CACNB4: variants seen among roughly 807,000 people sequenced by gnomAD.
The protein encoded by CACNB4 is calcium voltage-gated channel auxiliary subunit beta 4, also known as voltage-dependent L-type calcium channel subunit beta-4.
CACNB4 carries 32 observed loss-of-function variants against 71.2 expected under a neutral mutation model. The observed-to-expected ratio is 0.45, with a 90% CI of 0.34 to 0.60. The LOEUF is 0.60. Among genes scored for constraint, CACNB4 ranks in the 20% least tolerant of loss-of-function variants. CACNB4 has a pLI of 0.01. For synonymous variants in CACNB4, 231 were observed against 236.9 expected (o/e 0.97, Z 0.23); for missense variants, 464 against 647.9 (o/e 0.72, Z 3.08).
chr2:151,977,208 G>A (rs967339964), intron 2 of CACNB4, among the ~76,000 whole-genome samples: 1 of 152,066 alleles, frequency 6.6e-6, no homozygotes. Context: ...TGTTAAATGT[G>A]TTTCTGACTC....
chr2:151,847,700 T>TA lies in CACNB4; in HGVS notation c.1117-5613dup, dbSNP rs570998095. ...GTCAGGAGTTTGAGACCATCTCTTT[T>TA]AAAAAATACAAAAATCTCTTTTAAA... On this transcript the variant is annotated intron_variant, in intron 12 of 13. Transcript: ENST00000539935. Among the ~76,000 whole-genome samples, 110 of 152,144 alleles carry TA rather than the reference T, an allele frequency of 7.2e-4. 1 individual carries two copies. The highest frequency in any genetic ancestry group is 2.4e-3 in the African/African-American group (101 of 41,506).
chr2:152,089,195 T>C (rs1365758943), intron 2 of CACNB4, among the ~76,000 whole-genome samples: 1 of 152,236 alleles, frequency 6.6e-6, no homozygotes, highest in Non-Finnish European at 1.5e-5. Flanking sequence ...ATTGTTTTCC[T>C]GGTTCATGAA....
chr2:151,895,318 G>A (rs114046388), intron 2 of CACNB4, among the ~76,000 whole-genome samples: 97 of 152,170 alleles, frequency 6.4e-4, no homozygotes, highest in African/African-American at 2.2e-3. Flanking sequence ...AGAAGAGCAT[G>A]TAGCCAGGCA....
intron 2 of CACNB4, chr2:151,967,076 CTCAT>C (rs925225159): frequency 7.9e-6 from 1 of 126,640 alleles, no homozygotes; most frequent in African/African-American, 3.1e-5. Context: ...GAGACAGGGT[CTCAT>C]TCTGTCACCA....
chr2:151,890,719 C>T (rs561820858), intron 2 of CACNB4, among the ~76,000 whole-genome samples: 1 of 152,270 alleles, frequency 6.6e-6, no homozygotes, highest in Non-Finnish European at 1.5e-5. Flanking sequence ...CAATGATAGA[C>T]GTATTTTTTA....
intron 2 of CACNB4, among the ~76,000 whole-genome samples, chr2:152,080,334 G>A (rs1687292644): frequency 6.6e-6 from 1 of 151,978 alleles, no homozygotes; most frequent in African/African-American, 2.4e-5. Context: ...TGTTAGTCAG[G>A]ATGGTCTTGA....
At chr2:151,870,453 C>CCTTGA (rs761140033) in intron 8 of CACNB4, 78 bp downstream of exon 8, 1 of 1,220,044 alleles carries the variant, frequency 8.2e-7, no homozygotes, top group South Asian at 1.3e-5. Flanking sequence ...GGAAACAGAC[C>CCTTGA]CTTGAGGAGC....
intron 5 of CACNB4, among the ~76,000 whole-genome samples, chr2:151,875,696 ACGGGCGGCTGGCCGGG>A (rs2099845915): frequency 1.8e-3 from 3 of 1,704 alleles, no homozygotes; most frequent in African/African-American, 6.1e-3. Context: ...TCCCTCCCGG[ACGGGCGGCTGGCCGGG>A]CAGAGGGGCT....
intron 2 of CACNB4, among the ~76,000 whole-genome samples, chr2:152,058,970 A>G (rs2105324966): frequency 6.6e-6 from 1 of 152,382 alleles, no homozygotes. Context: ...CCATTGCTTC[A>G]GAGGGTGCAA....
intron 2 of CACNB4, among the ~76,000 whole-genome samples, chr2:151,986,972 C>T (rs1019340672): frequency 6.6e-6 from 1 of 152,174 alleles, no homozygotes; most frequent in African/African-American, 2.4e-5. Flanking sequence ...CATACAGAGA[C>T]CCTTCTGGAA....
intron 2 of CACNB4, among the ~76,000 whole-genome samples, chr2:152,038,504 C>T (rs541612828): frequency 9.2e-5 from 14 of 152,314 alleles, no homozygotes; most frequent in Middle Eastern, 3.4e-3. Flanking sequence ...TACCTCAGCA[C>T]CGAGTCTGGC....
At chr2:152,074,592 C>T (rs1463513462) in intron 2 of CACNB4, among the ~76,000 whole-genome samples, 2 of 150,698 alleles carry the variant, frequency 1.3e-5, no homozygotes, top group Non-Finnish European at 3.0e-5. Flanking sequence ...CTACTACCGT[C>T]CCCACCCTCC....
chr2:151,892,588 G>A (rs1015933145), intron 2 of CACNB4, among the ~76,000 whole-genome samples: 2 of 152,104 alleles, frequency 1.3e-5, no homozygotes, highest in Admixed American at 6.6e-5. Context: ...GTGTATGCAT[G>A]GCTAACTGAA....
At chr2:152,089,831 A>T (rs534512922) in intron 2 of CACNB4, among the ~76,000 whole-genome samples, 204 of 152,276 alleles carry the variant, frequency 1.3e-3, no homozygotes, top group Middle Eastern at 0.01. Flanking sequence ...AGTCCCAGCT[A>T]CTTGTAGGCT....
intron 2 of CACNB4, among the ~76,000 whole-genome samples, chr2:152,012,043 T>C (rs116120200): frequency 0.011 from 1,635 of 152,000 alleles, 7 homozygotes; most frequent in Middle Eastern, 0.027. Context: ...CTGGTTTATA[T>C]ATTTACTAAA....
intron 12 of CACNB4, among the ~76,000 whole-genome samples, chr2:151,843,628 T>G (rs889830758): frequency 2.6e-5 from 4 of 152,156 alleles, no homozygotes; most frequent in African/African-American, 9.7e-5. Flanking sequence ...CATCTCAACT[T>G]TCAATAGTAG....
At chr2:152,018,575 G>A (rs1255299422) in intron 2 of CACNB4, among the ~76,000 whole-genome samples, 1 of 152,130 alleles carries the variant, frequency 6.6e-6, no homozygotes, top group Non-Finnish European at 1.5e-5. Flanking sequence ...AGCTGAGGCA[G>A]GAGAGTTACT....
At chr2:152,053,889 G>A (rs1211379801) in intron 2 of CACNB4, among the ~76,000 whole-genome samples, 1 of 152,092 alleles carries the variant, frequency 6.6e-6, no homozygotes, top group Non-Finnish European at 1.5e-5. Context: ...AGAAGTATAG[G>A]TAACAATCTA....
intron 4 of CACNB4, among the ~76,000 whole-genome samples, chr2:151,878,753 C>T (rs2099847119): frequency 6.7e-6 from 1 of 149,894 alleles, no homozygotes; most frequent in Non-Finnish European, 1.5e-5. Flanking sequence ...TACTAGACTA[C>T]ACAATTAGCT....
Sources: allele counts gnomAD v4.1 joint callset (sites outside exome capture counted in the v4.1 genomes callset), GRCh38; gene constraint gnomAD v4.1.1; transcripts MANE v1.5; gene names NCBI Gene and HGNC (gene_info 2026-07-23, HGNC 2026-07-21).